GLI2: variants seen among roughly 807,000 people sequenced by gnomAD.
The protein encoded by GLI2 is GLI family zinc finger 2, also known as transcription activator GLI2.
Under a neutral mutation model 78.9 loss-of-function variants are expected in GLI2, and 22 were observed. The observed-to-expected ratio is 0.28, with a 90% confidence interval of 0.20 to 0.40. GLI2 has a LOEUF of 0.40. Ranked by LOEUF, GLI2 falls within the 10% of genes least tolerant of loss-of-function variation. The pLI, the probability that GLI2 is intolerant of heterozygous loss-of-function variation, is 1.00. For missense variants in GLI2, 2,097 were observed against 2,213.2 expected (o/e 0.95, Z 1.05); for synonymous variants, 974 against 963.7 (o/e 1.01, Z -0.20).
At chr2:120,844,746 G>A (rs1687033568) in intron 2 of GLI2, among the ~76,000 whole-genome samples, 1 of 149,436 alleles carries the variant, frequency 6.7e-6, no homozygotes, top group African/African-American at 2.5e-5. Flanking sequence ...GCACCCCAAA[G>A]GGCACTTACT....
At chr2:120,936,016 G>A (rs1680179576) in intron 3 of GLI2, among the ~76,000 whole-genome samples, 1 of 151,804 alleles carries the variant, frequency 6.6e-6, no homozygotes, top group South Asian at 2.1e-4. Context: ...GTGCAGTGGG[G>A]GAGGGGCTGC....
intron 2 of GLI2, among the ~76,000 whole-genome samples, chr2:120,915,929 T>A (rs1343155412): frequency 6.6e-6 from 1 of 152,224 alleles, no homozygotes; most frequent in African/African-American, 2.4e-5. Flanking sequence ...CTCTCTGATC[T>A]TCTGTGTTGA....
rs1381958760 is a variant in GLI2 at position 120,927,409 on chromosome 2, T to C, written c.197T>C (p.Met66Thr). ...TTCCATGCGCCCCTACCGATTGACA[T>C]GCGACACCAGGAAGGAAGGTACCAT... ...PPFHAPLPID[M>T]RHQEGRYHYE... The change falls in exon 3 of 14, where the codon ATG (methionine) becomes ACG (threonine). Residue 66 changes from methionine to threonine, a missense_variant. Met to Thr is a moderately conservative substitution (Grantham distance 81). Coordinates refer to ENST00000361492, the MANE Select transcript of GLI2 (RefSeq NM_001374353.1). 3 of 1,614,086 alleles carry C rather than the reference T, an allele frequency of 1.9e-6. No individual in the cohort carries two copies. Among genetic ancestry groups the C allele is most frequent in the African/African-American group, 1.3e-5 (1 of 75,054 alleles).
chr2:120,760,300 C>G (rs561118449), intron 1 of GLI2, among the ~76,000 whole-genome samples: 1 of 152,260 alleles, frequency 6.6e-6, no homozygotes, highest in East Asian at 1.9e-4. Flanking sequence ...GGATGCCAGG[C>G]CAGTGGAGTG....
chr2:120,961,503 C>G (rs1398839455), intron 5 of GLI2, among the ~76,000 whole-genome samples: 2 of 152,200 alleles, frequency 1.3e-5, no homozygotes, highest in Non-Finnish European at 2.9e-5. Flanking sequence ...TCCCGCCACA[C>G]CAGCTTCACG....
chr2:120,870,608 C>G (rs1176530401), intron 2 of GLI2, among the ~76,000 whole-genome samples: 4 of 152,190 alleles, frequency 2.6e-5, no homozygotes, highest in African/African-American at 9.7e-5. Flanking sequence ...CTGGCTCACA[C>G]CTGTGTTGCT....
intron 1 of GLI2, among the ~76,000 whole-genome samples, chr2:120,783,572 C>T (rs1252320121): frequency 1.3e-5 from 2 of 152,030 alleles, no homozygotes; most frequent in African/African-American, 2.4e-5. Context: ...AAGCAGCACA[C>T]GGCAAAGGCA....
At chr2:120,846,035 T>G (rs1687097582) in intron 2 of GLI2, among the ~76,000 whole-genome samples, 1 of 152,264 alleles carries the variant, frequency 6.6e-6, no homozygotes, top group African/African-American at 2.4e-5. Context: ...GCTCTGCCTT[T>G]CCCCAGGTCA....
chr2:120,769,878 CTGTG>C (rs112913541), intron 1 of GLI2, among the ~76,000 whole-genome samples: 1 of 151,576 alleles, frequency 6.6e-6, no homozygotes, highest in Non-Finnish European at 1.5e-5. Flanking sequence ...TGCACAAACA[CTGTG>C]TGTGTGTGTG....
Position 120,988,878 on chromosome 2 carries a change from C to G in GLI2, c.2913C>G (p.His971Gln). Residue 971 changes from histidine to glutamine, a missense_variant, in exon 14 of 14, where the codon CAC (histidine) becomes CAG (glutamine). Around this residue, in one of 5 missense-constraint regions of GLI2, gnomAD observed 1,290 missense variants for 1,261.7 expected, o/e 1.02. Coordinates refer to ENST00000361492, the MANE Select transcript of GLI2 (RefSeq NM_001374353.1). ...CCCTGCCGCGGGTGCAGCGCTTCCA[C>G]AGCACCCACAACGTGAACCCCGGCC... ...ALSLPRVQRF[H>Q]STHNVNPGPL... is the part of the protein sequence containing the mutation. 4.7e-6 allele frequency: 7 copies of G among 1,503,334 alleles called. No individual in the cohort carries two copies. The highest frequency in any genetic ancestry group is 6.2e-6 in the Non-Finnish European group (7 of 1,128,566). 93.1% of individuals were successfully genotyped at this position (1,503,334 alleles called of 1,614,324 possible).
At chr2:120,778,973 A>T (rs1683760808) in intron 1 of GLI2, among the ~76,000 whole-genome samples, 1 of 152,110 alleles carries the variant, frequency 6.6e-6, no homozygotes, top group Non-Finnish European at 1.5e-5. Flanking sequence ...ACAGGGGAAA[A>T]TTTGGGTTAA....
intron 1 of GLI2, among the ~76,000 whole-genome samples, chr2:120,752,096 G>C (rs1476978434): frequency 6.6e-6 from 1 of 152,014 alleles, no homozygotes; most frequent in South Asian, 2.1e-4. Flanking sequence ...ATAGACCAGT[G>C]TTTTATTATT....
At chr2:120,969,697 G>C (rs1311896642) in intron 6 of GLI2, among the ~76,000 whole-genome samples, 2 of 152,238 alleles carry the variant, frequency 1.3e-5, no homozygotes, top group East Asian at 1.9e-4. Context: ...CCGAAGGCTT[G>C]ACTGGGCCAG....
intron 1 of GLI2, among the ~76,000 whole-genome samples, chr2:120,742,957 C>G (rs1308816648): frequency 1.3e-5 from 2 of 152,194 alleles, no homozygotes; most frequent in South Asian, 2.1e-4. Context: ...TTTTAAACCT[C>G]AGATGGGGAG....
chr2:120,822,131 G>T (rs1180076989), intron 2 of GLI2, among the ~76,000 whole-genome samples: 1 of 152,252 alleles, frequency 6.6e-6, no homozygotes, highest in Non-Finnish European at 1.5e-5. Context: ...AACTCTTGTG[G>T]CCTTGGAGTT....
rs529207976 is a variant in GLI2, at chr2:120,846,132, C to A, written c.148+48664C>A. Among the ~76,000 whole-genome samples, 38 of 152,240 alleles carry A rather than the reference C, an allele frequency of 2.5e-4. No homozygotes were observed. The South Asian group carries it at 5.0e-3, about 20-fold the overall frequency. Reference sequence around the variant, plus strand: ...GTGGAGTGGGCCTGGTTTAGATCTCCCCCGTCAGTCATTCTGGTTTCTTGC... The same window carrying A: ...GTGGAGTGGGCCTGGTTTAGATCTCACCCGTCAGTCATTCTGGTTTCTTGC... On this transcript the variant is annotated intron_variant, in intron 2 of 13. Coordinates refer to ENST00000361492, the MANE Select transcript of GLI2 (RefSeq NM_001374353.1).
chr2:120,755,102 T>A (rs1226016156), intron 1 of GLI2, among the ~76,000 whole-genome samples: 1 of 152,170 alleles, frequency 6.6e-6, no homozygotes, highest in Admixed American at 6.5e-5. Flanking sequence ...CTACCCGCCT[T>A]GGCCTCCCAA....
intron 2 of GLI2, among the ~76,000 whole-genome samples, chr2:120,802,447 T>C (rs1381054238): frequency 6.6e-6 from 1 of 152,236 alleles, no homozygotes; most frequent in Non-Finnish European, 1.5e-5. Flanking sequence ...TTGGAGGCCA[T>C]AAATCTTTTA....
chr2:120,896,539 A>G (rs1211692470), intron 2 of GLI2, among the ~76,000 whole-genome samples: 1 of 152,154 alleles, frequency 6.6e-6, no homozygotes, highest in Non-Finnish European at 1.5e-5. Context: ...TGTGGTGGTA[A>G]CAGCAGTAAA....
Sources: allele counts gnomAD v4.1 joint callset (sites outside exome capture counted in the v4.1 genomes callset), GRCh38; gene constraint gnomAD v4.1.1; regional missense constraint gnomAD v4.1.1; transcripts MANE v1.5; gene names NCBI Gene and HGNC (gene_info 2026-07-23, HGNC 2026-07-21).